Variants in PHF21B observed in about 807,000 individuals in gnomAD.
PHF21B encodes PHD finger protein 21B, also known as PHD finger protein 4.
PHF21B carries 22 observed loss-of-function variants against 62.2 expected under a neutral mutation model. The ratio of observed to expected loss-of-function variants is 0.35; its 90% confidence interval spans 0.25 to 0.51. PHF21B has a LOEUF of 0.51. Among genes scored for constraint, PHF21B ranks in the 20% least tolerant of loss-of-function variants. The probability of loss-of-function intolerance (pLI) is 0.97; values close to 1 mark genes in which losing one functional copy is unlikely to be tolerated. For synonymous variants in PHF21B, 341 were observed against 314.7 expected (o/e 1.08, Z -0.88); for missense variants, 701 against 707.9 (o/e 0.99, Z 0.11).
intron 2 of PHF21B, chr22:44,968,937 G>A (rs1406725824): frequency 6.6e-6 from 1 of 152,176 alleles, no homozygotes; most frequent in African/African-American, 2.4e-5. Context: ...GGGGCTCTCT[G>A]ACTTGGCTCT....
chr22:44,976,200 T>C (rs886897402), intron 2 of PHF21B, among the ~76,000 whole-genome samples: 5 of 152,218 alleles, frequency 3.3e-5, no homozygotes, highest in Non-Finnish European at 4.4e-5. Context: ...AATTGACACA[T>C]AACTACATAT....
intron 2 of PHF21B, among the ~76,000 whole-genome samples, chr22:44,985,227 A>T (rs573151291): frequency 6.6e-6 from 1 of 152,290 alleles, no homozygotes; most frequent in Non-Finnish European, 1.5e-5. Flanking sequence ...AAACTTCCAC[A>T]CCCACTATTT....
At chr22:44,895,311 C>G (rs1446828104) in intron 6 of PHF21B, among the ~76,000 whole-genome samples, 1 of 152,130 alleles carries the variant, frequency 6.6e-6, no homozygotes, top group African/African-American at 2.4e-5. Flanking sequence ...GGATGACGTT[C>G]ACAGCTCACG....
intron 2 of PHF21B, among the ~76,000 whole-genome samples, chr22:44,986,403 C>T (rs550191807): frequency 1.3e-5 from 2 of 151,574 alleles, no homozygotes; most frequent in Non-Finnish European, 2.9e-5. Context: ...ACCACCATCA[C>T]CATCCTCATT....
chr22:44,966,760 T>C (rs1418457950), intron 2 of PHF21B, among the ~76,000 whole-genome samples: 1 of 152,208 alleles, frequency 6.6e-6, no homozygotes, highest in Non-Finnish European at 1.5e-5. Flanking sequence ...TGATGGGCGA[T>C]GGCTTTGAAA....
At chr22:44,985,916 C>T (rs2072937854) in intron 2 of PHF21B, among the ~76,000 whole-genome samples, 1 of 151,444 alleles carries the variant, frequency 6.6e-6, no homozygotes, top group South Asian at 2.1e-4. Flanking sequence ...GCACCACCAT[C>T]ACCATCAGCA....
chr22:44,972,374 T>C (rs1333879605), intron 2 of PHF21B, among the ~76,000 whole-genome samples: 1 of 152,246 alleles, frequency 6.6e-6, no homozygotes, highest in African/African-American at 2.4e-5. Context: ...TTTCATCATT[T>C]TGTTAAGAGG....
chr22:44,886,367 G>C (rs1180331463), intron 10 of PHF21B, among the ~76,000 whole-genome samples: 3 of 20,968 alleles, frequency 1.4e-4, no homozygotes, highest in Admixed American at 7.0e-4. Flanking sequence ...TGACAAAAAA[G>C]AAAGAAGAAA....
At chr22:44,974,354 C>T (rs1317764503) in intron 2 of PHF21B, among the ~76,000 whole-genome samples, 1 of 150,854 alleles carries the variant, frequency 6.6e-6, no homozygotes, top group African/African-American at 2.4e-5. Context: ...GTTGAGACTG[C>T]AGTGAGCCAT....
intron 2 of PHF21B, among the ~76,000 whole-genome samples, chr22:44,972,652 G>A (rs891663942): frequency 1.3e-5 from 2 of 152,204 alleles, no homozygotes; most frequent in African/African-American, 2.4e-5. Flanking sequence ...GGGCAGAAGC[G>A]GACATCGTGT....
chr22:44,893,654 G>T, intron 6 of PHF21B, 121 bp from the exon 7 acceptor site: 1 of 961,480 alleles, frequency 1.0e-6, no homozygotes, highest in Non-Finnish European at 1.6e-6. Flanking sequence ...TGTGTGCTCA[G>T]CATCCATGCC....
At chr22:44,896,132 A>C in intron 5 of PHF21B, 49 bp from the exon 6 acceptor site, 1 of 1,602,238 alleles carries the variant, frequency 6.2e-7, no homozygotes, top group South Asian at 1.1e-5. Flanking sequence ...GTCAAAGTTC[A>C]TTCATGCACT....
chr22:44,895,633 G>T (rs185462868), intron 6 of PHF21B, among the ~76,000 whole-genome samples: 1 of 152,162 alleles, frequency 6.6e-6, no homozygotes, highest in South Asian at 2.1e-4. Flanking sequence ...CCACACTTAA[G>T]AAAGTGGTGG....
chr22:44,936,403 C>T (rs986820568), intron 2 of PHF21B, among the ~76,000 whole-genome samples: 2 of 152,212 alleles, frequency 1.3e-5, no homozygotes, highest in Admixed American at 1.3e-4. Flanking sequence ...GCCCTCATCT[C>T]TCCCTGTATA....
chr22:44,962,335 A>G (rs115737084), intron 2 of PHF21B, among the ~76,000 whole-genome samples: 2,412 of 152,320 alleles, frequency 0.016, 48 homozygotes, highest in African/African-American at 0.051. Flanking sequence ...AAGTCACTGT[A>G]AGTTGAAAAT....
At chr22:45,007,706 CG>C (rs1569290242) in intron 2 of PHF21B, among the ~76,000 whole-genome samples, 1 of 121,564 alleles carries the variant, frequency 8.2e-6, no homozygotes, top group African/African-American at 2.9e-5. Flanking sequence ...GGTGTGCGAG[CG>C]CGGGGAAGGG....
intron 2 of PHF21B, among the ~76,000 whole-genome samples, chr22:44,959,887 G>C (rs542234245): frequency 6.6e-6 from 1 of 152,318 alleles, no homozygotes; most frequent in South Asian, 2.1e-4. Flanking sequence ...GCAAGGGCAG[G>C]GGCTGAGCCA....
intron 5 of PHF21B, among the ~76,000 whole-genome samples, chr22:44,907,459 C>A (rs9614974): frequency 0.061 from 9,304 of 152,258 alleles, 318 homozygotes; most frequent in Admixed American, 0.073. Flanking sequence ...GCGTCCCGCA[C>A]GTGCCTGGTG....
chr22:44,914,843 C>T (rs1459701294), intron 4 of PHF21B, among the ~76,000 whole-genome samples: 1 of 152,144 alleles, frequency 6.6e-6, no homozygotes, highest in East Asian at 1.9e-4. Context: ...ACCCATCCGG[C>T]CCAGCCTCTC....
Sources: allele counts gnomAD v4.1 joint callset (sites outside exome capture counted in the v4.1 genomes callset), GRCh38; gene constraint gnomAD v4.1.1; transcripts MANE v1.5; gene names NCBI Gene and HGNC (gene_info 2026-07-23, HGNC 2026-07-21).